CNTN5: variants seen among roughly 807,000 people sequenced by gnomAD.
The protein encoded by CNTN5 is contactin-5.
A neutral mutation model predicts 129.1 loss-of-function variants in CNTN5; 77 were observed. The observed-to-expected ratio is 0.60, with a 90% CI of 0.50 to 0.72. CNTN5 has a LOEUF of 0.72. Ranked by LOEUF, CNTN5 falls within the 30% of genes least tolerant of loss-of-function variation. The pLI, the probability that CNTN5 is intolerant of heterozygous loss-of-function variation, is 0.00. For missense variants in CNTN5, 1,478 were observed against 1,328.8 expected (o/e 1.11, Z -1.75); for synonymous variants, 509 against 465.6 (o/e 1.09, Z -1.20).
At chr11:100,215,306 A>G (rs896206548) in intron 15 of CNTN5, among the ~76,000 whole-genome samples, 23 of 152,170 alleles carry the variant, frequency 1.5e-4, no homozygotes, top group African/African-American at 5.1e-4. Context: ...TCCACATGAT[A>G]TTGGCATAAA....
chr11:99,796,647 G>T (rs544684127), intron 3 of CNTN5, among the ~76,000 whole-genome samples: 1 of 151,700 alleles, frequency 6.6e-6, no homozygotes, highest in East Asian at 1.9e-4. Flanking sequence ...GCAGACAGGG[G>T]GCTGCTCTGG....
At chr11:99,820,234 G>C (rs1452076413) in intron 4 of CNTN5, among the ~76,000 whole-genome samples, 1 of 152,282 alleles carries the variant, frequency 6.6e-6, no homozygotes, top group Non-Finnish European at 1.5e-5. Context: ...TTAGGATTAA[G>C]ACTAAATACT....
Position 99,987,909 on chromosome 11 carries a change from T to C in CNTN5, c.878-14125T>C, listed in dbSNP as rs560020464. The stretch of plus-strand genomic sequence containing the variant: ...ATCTACCTTACTGTGTTTTGTAAGT[T>C]TTAAATGACAGTTTACTTATATACA... On this transcript the variant is annotated intron_variant, in intron 8 of 24. Transcript: ENST00000524871. Among the ~76,000 whole-genome samples, 6 of 152,290 alleles carry C rather than the reference T, an allele frequency of 3.9e-5. No individual in the cohort carries two copies. In the South Asian group the frequency reaches 6.2e-4, roughly 16 times the overall value.
intron 13 of CNTN5, among the ~76,000 whole-genome samples, chr11:100,158,640 G>GTT (rs1188750255): frequency 6.6e-6 from 1 of 151,786 alleles, no homozygotes; most frequent in Non-Finnish European, 1.5e-5. Flanking sequence ...AATACATTGT[G>GTT]TGATAGCCTT....
intron 1 of CNTN5, among the ~76,000 whole-genome samples, chr11:99,096,689 G>A (rs1389239205): frequency 6.6e-6 from 1 of 151,818 alleles, no homozygotes; most frequent in East Asian, 1.9e-4. Flanking sequence ...TTTACTGGGA[G>A]TAGGCTATTA....
chr11:99,259,975 T>C (rs1343792462), intron 1 of CNTN5, among the ~76,000 whole-genome samples: 1 of 151,706 alleles, frequency 6.6e-6, no homozygotes, highest in Non-Finnish European at 1.5e-5. Flanking sequence ...TAATTTTCCT[T>C]GTCAATTTGT....
chr11:99,411,345 C>T (rs1457826353), intron 2 of CNTN5, among the ~76,000 whole-genome samples: 2 of 152,084 alleles, frequency 1.3e-5, no homozygotes, highest in East Asian at 3.9e-4. Flanking sequence ...ATGGTGAAAC[C>T]CCATATCCAC....
At chr11:100,068,213 G>C (rs1477764452) in intron 10 of CNTN5, among the ~76,000 whole-genome samples, 1 of 152,088 alleles carries the variant, frequency 6.6e-6, no homozygotes, top group South Asian at 2.1e-4. Context: ...GTCTAGCTGA[G>C]TGTCAAATTC....
chr11:99,159,538 C>T (rs1424785597), intron 1 of CNTN5, among the ~76,000 whole-genome samples: 17 of 152,116 alleles, frequency 1.1e-4, no homozygotes, highest in Non-Finnish European at 2.9e-5. Flanking sequence ...AGGAGAATGG[C>T]GTGAACCCGG....
In CNTN5 at chr11:99,200,045, C is replaced by CA. The variant is rs574662240; in HGVS notation, c.-209-125299dup. Among the ~76,000 whole-genome samples the CA allele has an allele frequency of 2.1e-4, 32 of 152,150 alleles. No homozygotes were observed. The South Asian group carries it at 6.2e-3, about 30-fold the overall frequency. On this transcript the variant is annotated intron_variant, in intron 1 of 24. Transcript: ENST00000524871. ...TTCTGTTTCCTACTGTATTGCTTCC[C>CA]AATACTATACAGATTACCTAAATTT... is the stretch of plus-strand genomic sequence containing the variant.
chr11:100,330,079 T>C (rs886714738), intron 21 of CNTN5, among the ~76,000 whole-genome samples: 1 of 152,030 alleles, frequency 6.6e-6, no homozygotes, highest in African/African-American at 2.4e-5. Context: ...TTCAAAAACA[T>C]GATACAGAAT....
At chr11:99,896,266 C>A (rs952527109) in intron 6 of CNTN5, among the ~76,000 whole-genome samples, 1 of 152,128 alleles carries the variant, frequency 6.6e-6, no homozygotes, top group African/African-American at 2.4e-5. Context: ...TGCCTTTCGG[C>A]CCATAACACA....
At chr11:99,750,083 G>A (rs1944181810) in intron 3 of CNTN5, among the ~76,000 whole-genome samples, 1 of 152,084 alleles carries the variant, frequency 6.6e-6, no homozygotes, top group Non-Finnish European at 1.5e-5. Flanking sequence ...ATATATGAGA[G>A]AAAAATAAAC....
intron 2 of CNTN5, among the ~76,000 whole-genome samples, chr11:99,339,545 C>T (rs1050991182): frequency 4.0e-5 from 6 of 151,832 alleles, no homozygotes; most frequent in Admixed American, 1.3e-4. Flanking sequence ...TTTGGGAGGC[C>T]GAGACGGGTG....
At chr11:99,952,840 G>C (rs1161128713) in intron 7 of CNTN5, among the ~76,000 whole-genome samples, 1 of 152,130 alleles carries the variant, frequency 6.6e-6, no homozygotes, top group Non-Finnish European at 1.5e-5. Flanking sequence ...CCATAAAGTT[G>C]AGCATTTTAT....
At chr11:99,147,350 T>G (rs967602602) in intron 1 of CNTN5, among the ~76,000 whole-genome samples, 4 of 152,162 alleles carry the variant, frequency 2.6e-5, no homozygotes, top group Admixed American at 1.3e-4. Flanking sequence ...TAATGTTAAT[T>G]ATAATGGAAT....
chr11:99,301,308 G>GA (rs35978376), intron 1 of CNTN5, among the ~76,000 whole-genome samples: 4 of 148,994 alleles, frequency 2.7e-5, no homozygotes, highest in South Asian at 4.2e-4. Flanking sequence ...TGACTGAACT[G>GA]AAAAAAAAAG....
intron 3 of CNTN5, among the ~76,000 whole-genome samples, chr11:99,579,389 G>A (rs1949488366): frequency 1.3e-5 from 2 of 151,792 alleles, no homozygotes; most frequent in African/African-American, 2.4e-5. Context: ...AGCTTGATGG[G>A]GATGGCATTG....
chr11:99,559,175 C>T (rs72995255), intron 3 of CNTN5, among the ~76,000 whole-genome samples: 9,614 of 152,044 alleles, frequency 0.063, 357 homozygotes, highest in Non-Finnish European at 0.076. Context: ...CATTATAGGG[C>T]CTATTTGGCA....
Sources: allele counts gnomAD v4.1 joint callset (sites outside exome capture counted in the v4.1 genomes callset), GRCh38; gene constraint gnomAD v4.1.1; transcripts MANE v1.5; gene names NCBI Gene and HGNC (gene_info 2026-07-23, HGNC 2026-07-21).